Variants in CCDC102B observed in about 807,000 individuals in gnomAD.
CCDC102B encodes the protein coiled-coil domain-containing protein 102B.
In CCDC102B, 75 loss-of-function variants were observed where a neutral mutation model predicts 57.4. The observed-to-expected ratio is 1.31, with a 90% CI of 1.08 to 1.58. The LOEUF (loss-of-function observed/expected upper bound fraction) is 1.58. CCDC102B is among the 40% of genes most tolerant of loss of function. The pLI, the probability that CCDC102B is intolerant of heterozygous loss-of-function variation, is 0.00. For synonymous variants in CCDC102B, 206 were observed against 201.9 expected (o/e 1.02, Z -0.17); for missense variants, 636 against 582.6 (o/e 1.09, Z -0.94).
intron 1 of CCDC102B, among the ~76,000 whole-genome samples, chr18:68,807,070 G>A (rs2036059904): frequency 6.6e-6 from 1 of 152,070 alleles, no homozygotes; most frequent in Non-Finnish European, 1.5e-5. Context: ...GAGTTTGAAC[G>A]ACCTTATCAA....
At chr18:69,010,566 AG>A (rs2051486778) in intron 6 of CCDC102B, among the ~76,000 whole-genome samples, 1 of 152,130 alleles carries the variant, frequency 6.6e-6, no homozygotes, top group Non-Finnish European at 1.5e-5. Flanking sequence ...GCTAACTTTT[AG>A]CATCTGCTGA....
intron 4 of CCDC102B, among the ~76,000 whole-genome samples, chr18:68,871,699 G>A (rs2039245235): frequency 6.6e-6 from 1 of 152,062 alleles, no homozygotes. Flanking sequence ...AAGCCAGAAG[G>A]TCTGGAGTAG....
chr18:68,761,486 ATT>A (rs1206022226), intron 2 of CCDC102B, among the ~76,000 whole-genome samples: 1 of 151,598 alleles, frequency 6.6e-6, no homozygotes, highest in Non-Finnish European at 1.5e-5. Flanking sequence ...CTGAGTGTGA[ATT>A]TGTCAAATTC....
In CCDC102B at chr18:68,912,662, G is replaced by A. The variant is rs1018127671; in HGVS notation, c.1263+15234G>A. ...GATTGTTAAGAGGCAACTAATAAATGTGTGGTCCAACTTATAAGAGAAATG... is the reference window on the plus strand; with the variant it reads ...GATTGTTAAGAGGCAACTAATAAATATGTGGTCCAACTTATAAGAGAAATG... On this transcript the variant is annotated intron_variant, in intron 6 of 7. Coordinates refer to ENST00000360242, the MANE Select transcript of CCDC102B (RefSeq NM_024781.3). Among the ~76,000 whole-genome samples, 8 of 152,272 alleles carry A rather than the reference G, an allele frequency of 5.3e-5. No homozygotes were observed. The East Asian group carries it at 1.5e-3, about 29-fold the overall frequency.
intron 7 of CCDC102B, among the ~76,000 whole-genome samples, chr18:69,028,327 C>T (rs1485866731): frequency 4.6e-5 from 7 of 152,144 alleles, no homozygotes; most frequent in East Asian, 1.9e-4. Flanking sequence ...AGTTTCAAGA[C>T]GGAATGATAT....
At chr18:68,781,366 G>T (rs2035003852) in intron 2 of CCDC102B, among the ~76,000 whole-genome samples, 1 of 151,966 alleles carries the variant, frequency 6.6e-6, no homozygotes, top group Non-Finnish European at 1.5e-5. Flanking sequence ...GAATTTTTTG[G>T]CTGAATTCAA....
At chr18:69,057,703 G>C (rs2052839591), downstream of CCDC102B, among the ~76,000 whole-genome samples, 1 of 151,998 alleles carries the variant, frequency 6.6e-6, no homozygotes, top group Non-Finnish European at 1.5e-5. Flanking sequence ...GGAGTTGTTG[G>C]CATCCATTAT....
chr18:68,790,528 G>C (rs1048637091), intron 2 of CCDC102B, among the ~76,000 whole-genome samples: 7 of 152,166 alleles, frequency 4.6e-5, no homozygotes, highest in South Asian at 2.1e-4. Context: ...ATATAATCTC[G>C]TGGTGCGCCG....
intron 4 of CCDC102B, among the ~76,000 whole-genome samples, chr18:68,863,403 G>C (rs2038845166): frequency 6.6e-6 from 1 of 151,902 alleles, no homozygotes; most frequent in South Asian, 2.1e-4. Context: ...ATGTGTCAGT[G>C]TGTTTCCCTA....
At chr18:68,890,022 A>G (rs776254491) in intron 5 of CCDC102B, among the ~76,000 whole-genome samples, 9 of 152,210 alleles carry the variant, frequency 5.9e-5, no homozygotes, top group Non-Finnish European at 5.9e-5. Flanking sequence ...TACTGGAGAT[A>G]TTAGGATGCT....
chr18:68,769,555 C>G (rs544704526), intron 2 of CCDC102B, among the ~76,000 whole-genome samples: 1 of 152,236 alleles, frequency 6.6e-6, no homozygotes, highest in South Asian at 2.1e-4. Flanking sequence ...GATAACCTCC[C>G]TCCAATCAAA....
At chr18:68,946,863 C>G (rs111396744) in intron 6 of CCDC102B, among the ~76,000 whole-genome samples, 1 of 151,844 alleles carries the variant, frequency 6.6e-6, no homozygotes, top group Non-Finnish European at 1.5e-5. Context: ...TTGTATTATT[C>G]TGTGAGGGGA....
intron 3 of CCDC102B, among the ~76,000 whole-genome samples, chr18:68,840,807 G>T (rs1190636270): frequency 6.6e-6 from 1 of 152,134 alleles, no homozygotes; most frequent in Non-Finnish European, 1.5e-5. Context: ...TTAAAGATAT[G>T]CATGTTCTGT....
Position 68,953,134 on chromosome 18 carries a change from T to A in CCDC102B, c.1263+55706T>A, listed in dbSNP as rs1340171959. 3.9e-5 allele frequency among the ~76,000 whole-genome samples: 6 copies of A among 152,090 alleles called. No homozygotes were observed. In the East Asian group the frequency reaches 1.2e-3, roughly 29 times the overall value. Reference sequence around the variant, plus strand: ...TCTCAGAATACTAAGTCCAGGATGATTATATTTTTACAAATAGTAAAGCCA... The same window carrying A: ...TCTCAGAATACTAAGTCCAGGATGAATATATTTTTACAAATAGTAAAGCCA... On this transcript the variant is annotated intron_variant, in intron 6 of 7. Coordinates refer to ENST00000360242, the MANE Select transcript of CCDC102B (RefSeq NM_024781.3).
chr18:68,934,046 T>G (rs1044663884), intron 6 of CCDC102B, among the ~76,000 whole-genome samples: 1 of 151,910 alleles, frequency 6.6e-6, no homozygotes, highest in Non-Finnish European at 1.5e-5. Context: ...GAATTATTAC[T>G]GATGAAAAAT....
chr18:68,965,325 G>T (rs576135478), intron 6 of CCDC102B, among the ~76,000 whole-genome samples: 2 of 148,236 alleles, frequency 1.3e-5, no homozygotes, highest in East Asian at 2.0e-4. Context: ...TTTCCCATTT[G>T]TTCCCCCTAT....
intron 4 of CCDC102B, among the ~76,000 whole-genome samples, chr18:68,850,085 T>G (rs956879774): frequency 6.6e-6 from 1 of 152,144 alleles, no homozygotes; most frequent in Admixed American, 6.6e-5. Flanking sequence ...CAAGGCATGT[T>G]GAGCAATGCA....
At chr18:68,762,403 T>G (rs924129820) in intron 2 of CCDC102B, among the ~76,000 whole-genome samples, 1 of 152,092 alleles carries the variant, frequency 6.6e-6, no homozygotes, top group African/African-American at 2.4e-5. Flanking sequence ...TTGTTTTTTG[T>G]TTTTGGTTTT....
intron 7 of CCDC102B, among the ~76,000 whole-genome samples, chr18:69,049,088 C>T (rs902103731): frequency 2.2e-4 from 34 of 151,278 alleles, no homozygotes; most frequent in Non-Finnish European, 3.8e-4. Flanking sequence ...ATGTGCAGAA[C>T]GTGTAGGTTT....
Sources: gnomAD v4.1 joint callset for allele counts (sites outside exome capture counted in the v4.1 genomes callset) on GRCh38, gnomAD v4.1.1 for gene constraint, MANE v1.5 for transcripts, NCBI Gene and HGNC (gene_info 2026-07-23, HGNC 2026-07-21) for gene names.